The following PKNOX2 variants were observed in gnomAD, a reference collection of about 807,000 sequenced individuals.
PKNOX2 encodes the protein PBX/knotted 1 homeobox 2, also known as homeobox protein PKNOX2.
In PKNOX2, 14 loss-of-function variants were observed where a neutral mutation model predicts 53.1. The observed-to-expected ratio is 0.26, with a 90% CI of 0.17 to 0.41. The LOEUF (loss-of-function observed/expected upper bound fraction) is 0.41, where lower values mean the gene tolerates loss of function less well. Ranked by LOEUF, PKNOX2 falls within the 10% of genes least tolerant of loss-of-function variation. PKNOX2 has a pLI of 1.00. For synonymous variants in PKNOX2, 257 were observed against 242.8 expected, an observed-to-expected ratio of 1.06 and a Z score of -0.54; for missense variants, 496 against 602.8, an observed-to-expected ratio of 0.82 and a Z score of 1.85.
intron 2 of PKNOX2, among the ~76,000 whole-genome samples, chr11:125,251,734 T>A (rs1944017972): frequency 6.6e-6 from 1 of 151,096 alleles, no homozygotes; most frequent in Non-Finnish European, 1.5e-5. Flanking sequence ...AACCCCCAGA[T>A]GGATTCATGC....
intron 2 of PKNOX2, among the ~76,000 whole-genome samples, chr11:125,267,469 A>G (rs1375429621): frequency 1.3e-5 from 2 of 152,146 alleles, no homozygotes; most frequent in African/African-American, 4.8e-5. Context: ...AGGCTGTGGA[A>G]TTATGTGAGG....
At chr11:125,421,708 T>C (rs1441892571) in intron 10 of PKNOX2, among the ~76,000 whole-genome samples, 1 of 152,232 alleles carries the variant, frequency 6.6e-6, no homozygotes, top group African/African-American at 2.4e-5. Context: ...TGAACGATGG[T>C]GGCCTTGCAG....
At chr11:125,400,439 T>C (rs574247549) in intron 7 of PKNOX2, among the ~76,000 whole-genome samples, 1 of 152,186 alleles carries the variant, frequency 6.6e-6, no homozygotes, top group Non-Finnish European at 1.5e-5. Context: ...GTTCATGTCA[T>C]TCGCCTGCTC....
intron 2 of PKNOX2, among the ~76,000 whole-genome samples, chr11:125,308,413 G>A (rs374021926): frequency 6.6e-6 from 1 of 152,178 alleles, no homozygotes; most frequent in Admixed American, 6.5e-5. Context: ...AAGACTCAGC[G>A]GGAGCTGCAT....
intron 6 of PKNOX2, among the ~76,000 whole-genome samples, chr11:125,390,840 G>A (rs1042487860): frequency 1.1e-4 from 17 of 152,220 alleles, no homozygotes; most frequent in Non-Finnish European, 1.6e-4. Context: ...CTTGTCTTGC[G>A]TGATGGTTTC....
intron 2 of PKNOX2, among the ~76,000 whole-genome samples, chr11:125,241,906 G>A (rs1943177364): frequency 6.6e-6 from 1 of 152,128 alleles, no homozygotes; most frequent in Admixed American, 6.6e-5. Context: ...GAGAAAGGAT[G>A]AAGGATGAAT....
rs1462283654 is a variant in PKNOX2 at position 125,323,353 on chromosome 11, G to GA, written c.-129-8463dup. On this transcript the variant is annotated intron_variant, in intron 2 of 12. Transcript: ENST00000298282. ...GCTTTTTACCATGCCTTCCACTTCTGAAATTCATTTCTCAGCAGTGTCTGA... is the reference window on the plus strand; with the variant it reads ...GCTTTTTACCATGCCTTCCACTTCTGAAAATTCATTTCTCAGCAGTGTCTGA... Among the ~76,000 whole-genome samples, 18 of 152,290 alleles carry GA rather than the reference G, an allele frequency of 1.2e-4. No homozygotes were observed. In the Middle Eastern group the frequency reaches 0.017, roughly 144 times the overall value.
rs1264997657 is a variant in PKNOX2, at chr11:125,416,159, C to T, written c.936+4294C>T. ...TCTACTAAAAATACAAAAAATTAGC[C>T]GGGCGTGGTGGCGGGCGCCTGTAGT... On this transcript the variant is annotated intron_variant, in intron 10 of 12. Transcript: ENST00000298282. Among the ~76,000 whole-genome samples, 6 of 151,364 alleles carry T rather than the reference C, an allele frequency of 4.0e-5. No individual in the cohort carries two copies. The East Asian group carries it at 7.8e-4, about 20-fold the overall frequency.
intron 1 of PKNOX2, among the ~76,000 whole-genome samples, chr11:125,167,616 C>G (rs1333223087): frequency 1.3e-5 from 2 of 152,218 alleles, no homozygotes. Flanking sequence ...TAAAATGCCT[C>G]GTGCGAATTG....
In PKNOX2 at chr11:125,336,228, C is replaced by G. The variant is rs557023379; in HGVS notation, c.-23+4303C>G. Among the ~76,000 whole-genome samples, 101 of 152,058 alleles carry G rather than the reference C, an allele frequency of 6.6e-4. 2 individuals are homozygous for G. The highest frequency in any genetic ancestry group is 3.4e-3 in the Middle Eastern group (1 of 292). On this transcript the variant is annotated intron_variant, in intron 3 of 12. Transcript: ENST00000298282. ...CAAAATAAAAACTCTCCCTTCCTAC[C>G]CTCACCTCTCCCCACAAGGCTCATG...
intron 2 of PKNOX2, among the ~76,000 whole-genome samples, chr11:125,268,634 A>G (rs1348488334): frequency 6.6e-6 from 1 of 152,204 alleles, no homozygotes; most frequent in Non-Finnish European, 1.5e-5. Flanking sequence ...TTGAAAGCAT[A>G]TAAAGCTGGT....
At chr11:125,419,883 T>TAAAAAAAAAAAAAAA (rs377369369) in intron 10 of PKNOX2, among the ~76,000 whole-genome samples, 1 of 99,488 alleles carries the variant, frequency 1.0e-5, no homozygotes. Flanking sequence ...AAGAAAAAAT[T>TAAAAAAAAAAAAAAA]AAAAAAAAAA....
At chr11:125,215,346 G>A (rs1300731007) in intron 1 of PKNOX2, among the ~76,000 whole-genome samples, 1 of 152,084 alleles carries the variant, frequency 6.6e-6, no homozygotes, top group African/African-American at 2.4e-5. Context: ...ACAGTTCCGT[G>A]ACTCAGGCCA....
chr11:125,339,970 G>A (rs1158754529), intron 3 of PKNOX2, among the ~76,000 whole-genome samples: 1 of 152,168 alleles, frequency 6.6e-6, no homozygotes, highest in Admixed American at 6.5e-5. Context: ...CTCGCTTAAC[G>A]TTTTCCATCT....
intron 2 of PKNOX2, among the ~76,000 whole-genome samples, chr11:125,321,102 A>G (rs904415774): frequency 1.3e-5 from 2 of 152,200 alleles, no homozygotes; most frequent in Non-Finnish European, 2.9e-5. Flanking sequence ...CTGTATTTCA[A>G]CTATTAGAGT....
Position 125,195,349 on chromosome 11 carries a change from C to T in PKNOX2, c.-201+30573C>T, listed in dbSNP as rs570483334. Among the ~76,000 whole-genome samples, 3 of 152,242 alleles carry T rather than the reference C, an allele frequency of 2.0e-5. No individual in the cohort carries two copies. The East Asian group carries it at 5.8e-4, about 29-fold the overall frequency. On this transcript the variant is annotated intron_variant, in intron 1 of 12. Coordinates refer to ENST00000298282, the MANE Select transcript of PKNOX2 (RefSeq NM_001382323.2). The stretch of plus-strand genomic sequence containing the variant: ...ACACGTGCTTTTCCTACCCTCAGTT[C>T]ATAATCTTTTAAGTAAGTAGGTGAT...
intron 1 of PKNOX2, among the ~76,000 whole-genome samples, chr11:125,182,592 A>G (rs142639086): frequency 6.6e-6 from 1 of 152,350 alleles, no homozygotes; most frequent in East Asian, 1.9e-4. Flanking sequence ...CTGGCATATT[A>G]CAGATGTTAC....
At chr11:125,389,491 C>T (rs1229937548) in intron 6 of PKNOX2, among the ~76,000 whole-genome samples, 1 of 152,190 alleles carries the variant, frequency 6.6e-6, no homozygotes, top group Admixed American at 6.5e-5. Context: ...CTGGCTGGCT[C>T]CCCTGGGAAA....
intron 6 of PKNOX2, among the ~76,000 whole-genome samples, chr11:125,391,834 G>C (rs949096187): frequency 6.6e-6 from 1 of 152,170 alleles, no homozygotes; most frequent in African/African-American, 2.4e-5. Context: ...CCTGGGGAGA[G>C]GAATTAAGGA....
Sources: allele counts gnomAD v4.1 joint callset (sites outside exome capture counted in the v4.1 genomes callset), GRCh38; gene constraint gnomAD v4.1.1; transcripts MANE v1.5; gene names NCBI Gene and HGNC (gene_info 2026-07-23, HGNC 2026-07-21).